TTC28: variants seen among roughly 807,000 people sequenced by gnomAD.
TTC28 encodes the protein tetratricopeptide repeat domain 28.
Under a neutral mutation model 198.0 loss-of-function variants are expected in TTC28, and 61 were observed. The observed-to-expected ratio is 0.31, with a 90% CI of 0.25 to 0.38. TTC28 has a LOEUF of 0.38. TTC28 is among the 10% of genes least tolerant of loss of function. TTC28 has a pLI of 1.00. For missense variants in TTC28, 2,678 were observed against 3,164.0 expected (o/e 0.85, Z 3.69); for synonymous variants, 1,171 against 1,297.8 (o/e 0.90, Z 2.10).
chr22:28,154,325 TTTTTTTTTTC>T (rs200196701), intron 6 of TTC28, among the ~76,000 whole-genome samples: 5,110 of 148,336 alleles, frequency 0.034, 145 homozygotes, highest in Non-Finnish European at 0.055. Context: ...ATGGCCATTT[TTTTTTTTTTC>T]TTTTCTTTTC....
intron 14 of TTC28, among the ~76,000 whole-genome samples, chr22:28,003,416 C>G (rs982531488): frequency 3.9e-5 from 6 of 152,216 alleles, no homozygotes; most frequent in African/African-American, 1.2e-4. Context: ...AGCCACCTGC[C>G]ATGTGCAAAA....
chr22:28,068,028 G>C (rs187395714), intron 12 of TTC28, among the ~76,000 whole-genome samples: 19 of 152,222 alleles, frequency 1.2e-4, no homozygotes, highest in Admixed American at 1.2e-3. Context: ...AAATAATTCA[G>C]AACTTCATTA....
chr22:28,321,236 C>A (rs2045441617), intron 2 of TTC28, among the ~76,000 whole-genome samples: 1 of 151,980 alleles, frequency 6.6e-6, no homozygotes, highest in African/African-American at 2.4e-5. Context: ...AGTATAGTGG[C>A]CTGTTTGGTT....
At chr22:28,477,586 C>T (rs149664741) in intron 2 of TTC28, among the ~76,000 whole-genome samples, 1 of 152,200 alleles carries the variant, frequency 6.6e-6, no homozygotes, top group Non-Finnish European at 1.5e-5. Flanking sequence ...GATTCTGATT[C>T]AAAACAAGAT....
intron 5 of TTC28, among the ~76,000 whole-genome samples, chr22:28,283,561 T>C (rs560172914): frequency 3.9e-5 from 6 of 152,116 alleles, no homozygotes; most frequent in African/African-American, 1.4e-4. Context: ...TCTCACAAAG[T>C]CAAAAATAGT....
At position 28,590,524 on chromosome 22, in the gene TTC28, C is replaced by T. The variant is rs563819211; in HGVS notation, c.381+39028G>A. Among the ~76,000 whole-genome samples, 11 of 151,990 alleles carry T rather than the reference C, an allele frequency of 7.2e-5. No homozygotes were observed. In the South Asian group the frequency reaches 1.2e-3, roughly 17 times the overall value. On this transcript the variant is annotated intron_variant, in intron 2 of 22. Transcript: ENST00000397906. The stretch of plus-strand genomic sequence containing the variant: ...TGCCATCACTTTGGGAAGCCAAGGC[C>T]GGAGGACTGCTTGAGGCCAGGAGCT...
chr22:28,383,003 AC>A, intron 2 of TTC28, among the ~76,000 whole-genome samples: 1 of 152,266 alleles, frequency 6.6e-6, no homozygotes, highest in East Asian at 1.9e-4. Context: ...ATCTTACTTG[AC>A]CTATCATTTA....
At chr22:28,136,891 C>T (rs980105937) in intron 6 of TTC28, among the ~76,000 whole-genome samples, 2 of 152,114 alleles carry the variant, frequency 1.3e-5, no homozygotes, top group African/African-American at 4.8e-5. Flanking sequence ...ATGTCTTTGC[C>T]GAGGAAGCTG....
chr22:28,228,810 A>T (rs937052894), intron 5 of TTC28, among the ~76,000 whole-genome samples: 15 of 152,068 alleles, frequency 9.9e-5, no homozygotes, highest in African/African-American at 3.4e-4. Flanking sequence ...AACTTTAAAA[A>T]TTTTTTCTTT....
At chr22:28,410,617 C>A (rs1315477222) in intron 2 of TTC28, among the ~76,000 whole-genome samples, 2 of 151,976 alleles carry the variant, frequency 1.3e-5, no homozygotes, top group African/African-American at 4.8e-5. Context: ...GTGTGGGATT[C>A]AGAAAGAATG....
chr22:28,360,468 T>G (rs1379568889), intron 2 of TTC28, among the ~76,000 whole-genome samples: 1 of 152,246 alleles, frequency 6.6e-6, no homozygotes, highest in Non-Finnish European at 1.5e-5. Context: ...TAATAAAAGA[T>G]ATGTTGGAAT....
At chr22:28,652,380 A>G (rs2051578776) in intron 1 of TTC28, among the ~76,000 whole-genome samples, 1 of 152,236 alleles carries the variant, frequency 6.6e-6, no homozygotes, top group Non-Finnish European at 1.5e-5. Flanking sequence ...TGGTTAATCA[A>G]TTCTGCAATC....
At chr22:28,606,233 G>A (rs576655980) in intron 2 of TTC28, among the ~76,000 whole-genome samples, 14 of 151,962 alleles carry the variant, frequency 9.2e-5, no homozygotes, top group Admixed American at 2.6e-4. Flanking sequence ...ACACATGCAC[G>A]CCATCATGCA....
At chr22:28,216,149 A>G (rs1484681344) in intron 5 of TTC28, among the ~76,000 whole-genome samples, 1 of 152,166 alleles carries the variant, frequency 6.6e-6, no homozygotes, top group Non-Finnish European at 1.5e-5. Flanking sequence ...ACAGAGAGGT[A>G]CTCAACATTT....
chr22:28,021,582 C>T (rs1018630474), intron 13 of TTC28, among the ~76,000 whole-genome samples: 4 of 152,166 alleles, frequency 2.6e-5, no homozygotes, highest in Admixed American at 2.0e-4. Flanking sequence ...TCCTTGCCCT[C>T]GTGGAGTTCA....
chr22:27,987,917 G>A (rs1216493353), intron 21 of TTC28, among the ~76,000 whole-genome samples: 1 of 151,984 alleles, frequency 6.6e-6, no homozygotes, highest in East Asian at 1.9e-4. Context: ...TAAACCCACA[G>A]AAGAAAAGCA....
intron 12 of TTC28, among the ~76,000 whole-genome samples, chr22:28,055,649 A>G (rs766446862): frequency 6.6e-6 from 1 of 152,192 alleles, no homozygotes; most frequent in Non-Finnish European, 1.5e-5. Flanking sequence ...ATGGATGAGA[A>G]AAGTAGGTCT....
At chr22:28,398,283 G>C (rs2046848271) in intron 2 of TTC28, among the ~76,000 whole-genome samples, 1 of 152,054 alleles carries the variant, frequency 6.6e-6, no homozygotes, top group Admixed American at 6.6e-5. Context: ...GACACAAAGA[G>C]GGGGCCAGAG....
At chr22:28,177,775 A>G (rs560445076) in intron 5 of TTC28, among the ~76,000 whole-genome samples, 2 of 152,328 alleles carry the variant, frequency 1.3e-5, no homozygotes, top group South Asian at 4.1e-4. Context: ...ATATTGTATG[A>G]TTTCAACTAT....
Sources: gnomAD v4.1 joint callset for allele counts (sites outside exome capture counted in the v4.1 genomes callset) on GRCh38, gnomAD v4.1.1 for gene constraint, MANE v1.5 for transcripts, NCBI Gene and HGNC (gene_info 2026-07-23, HGNC 2026-07-21) for gene names.